The following TRPM1 variants were observed in gnomAD, a reference collection of about 807,000 sequenced individuals.
TRPM1 encodes the protein transient receptor potential cation channel subfamily M member 1, also known as TRPM1-203 APA Isoform, Intron 10.
TRPM1 carries 113 observed loss-of-function variants against 149.4 expected under a neutral mutation model. The ratio of observed to expected loss-of-function variants is 0.76; its 90% CI spans 0.65 to 0.88. TRPM1 has a LOEUF of 0.88. Ranked by LOEUF, TRPM1 falls within the 40% of genes least tolerant of loss-of-function variation. The pLI, the probability that TRPM1 is intolerant of heterozygous loss-of-function variation, is 0.00. For synonymous variants in TRPM1, 741 were observed against 759.5 expected (o/e 0.98, Z 0.40); for missense variants, 1,976 against 2,038.7 (o/e 0.97, Z 0.59).
chr15:31,084,057 C>A (rs1203247927), intron 1 of TRPM1, among the ~76,000 whole-genome samples: 1 of 152,198 alleles, frequency 6.6e-6, no homozygotes, highest in African/African-American at 2.4e-5. Flanking sequence ...CCAGGGTTCC[C>A]TTTCCTCCGG....
At chr15:31,047,743 G>A in intron 14 of TRPM1, 146 bp downstream of exon 14, 1 of 766,954 alleles carries the variant, frequency 1.3e-6, no homozygotes, top group Admixed American at 1.9e-5. Flanking sequence ...TGCTTTCTTA[G>A]TTTTAAATAG....
intron 1 of TRPM1, among the ~76,000 whole-genome samples, chr15:31,108,996 CT>C (rs566107089): frequency 2.1e-3 from 322 of 152,262 alleles, no homozygotes; most frequent in Non-Finnish European, 4.0e-3. Context: ...CCAGACACTG[CT>C]GGTGCTGTGT....
At chr15:31,151,670 C>T (rs556432614) in intron 1 of TRPM1, among the ~76,000 whole-genome samples, 2 of 152,350 alleles carry the variant, frequency 1.3e-5, no homozygotes, top group African/African-American at 4.8e-5. Context: ...CCATAAACTC[C>T]GTACACCTTC....
intron 1 of TRPM1, among the ~76,000 whole-genome samples, chr15:31,135,096 A>G (rs2036070600): frequency 6.6e-6 from 1 of 152,220 alleles, no homozygotes; most frequent in Non-Finnish European, 1.5e-5. Flanking sequence ...TTCTCTTGTT[A>G]TCTGTCTTTT....
intron 3 of TRPM1, among the ~76,000 whole-genome samples, chr15:31,076,038 T>G (rs952798982): frequency 3.3e-5 from 5 of 152,254 alleles, no homozygotes; most frequent in African/African-American, 1.2e-4. Flanking sequence ...ATGGCCTATG[T>G]GCCATTGAAA....
intron 11 of TRPM1, among the ~76,000 whole-genome samples, chr15:31,056,248 T>C (rs1006386270): frequency 2.0e-4 from 31 of 151,978 alleles, no homozygotes; most frequent in Admixed American, 6.5e-4. Flanking sequence ...AAGAAAGAAA[T>C]ACTCAAAGAA....
intron 3 of TRPM1, among the ~76,000 whole-genome samples, chr15:31,074,189 A>G (rs1309505664): frequency 6.6e-6 from 1 of 152,092 alleles, no homozygotes; most frequent in African/African-American, 2.4e-5. Flanking sequence ...CTAGTTTGGT[A>G]TCTGGGTAGT....
chr15:31,048,413 G>A lies in TRPM1; in HGVS notation c.1573-474C>T, dbSNP rs544577363. On this transcript the variant is annotated intron_variant, in intron 13 of 27. Coordinates refer to ENST00000256552, the MANE Select transcript of TRPM1 (RefSeq NM_001252024.2). ...TACAAAACAGAGCTGGTCATGGTTA[G>A]AAAGTATCCAACACATTTCAAAAGT... Among the ~76,000 whole-genome samples, 4 of 152,158 alleles carry A rather than the reference G, an allele frequency of 2.6e-5. No homozygotes were observed. The South Asian group carries it at 8.3e-4, about 32-fold the overall frequency.
intron 11 of TRPM1, among the ~76,000 whole-genome samples, chr15:31,056,707 G>C (rs2034095968): frequency 6.6e-6 from 1 of 152,172 alleles, no homozygotes; most frequent in South Asian, 2.1e-4. Flanking sequence ...TAGAGGGAGA[G>C]GGTTCATGAT....
chr15:31,059,903 C>T (rs115489373), intron 11 of TRPM1, among the ~76,000 whole-genome samples: 1,863 of 152,254 alleles, frequency 0.012, 19 homozygotes, highest in African/African-American at 0.023. Flanking sequence ...TGTTCACACA[C>T]ACACACGCTC....
rs778561576 is a variant in TRPM1, at chr15:31,060,586, G to A, written c.1221C>T (p.Asp407=). Residue 407 remains aspartate (D), a synonymous_variant, in exon 11 of 28, where the codon GAC becomes GAT. Transcript: ENST00000256552. The part of the protein sequence containing the change: ...LSLALAWNRV[D]IARSQIFVFG... The stretch of plus-strand genomic sequence containing the variant: ...AGACAAAGATCTGGCTTCGTGCTAT[G>A]TCCACGCGGTTCCAAGCCAGTGCCA... The A allele has an allele frequency of 1.4e-5, 23 of 1,614,238 alleles. 1 individual carries two copies. In the South Asian group the frequency reaches 1.9e-4, roughly 13 times the overall value.
chr15:31,089,240 C>A (rs910232213), intron 1 of TRPM1, among the ~76,000 whole-genome samples: 3 of 152,058 alleles, frequency 2.0e-5, no homozygotes, highest in Non-Finnish European at 4.4e-5. Context: ...CCAGCGTGTC[C>A]CCCACTGGGT....
At chr15:31,069,325 A>T in intron 4 of TRPM1, 1 of 763,158 alleles carries the variant, frequency 1.3e-6, no homozygotes, top group Non-Finnish European at 1.6e-6. Context: ...TGTCTCCTAT[A>T]AACTGCTTCT....
rs60887580 is a variant in TRPM1 at position 31,112,485 on chromosome 15, A to T, written c.55-35501T>A. The stretch of plus-strand genomic sequence containing the variant: ...TGAGCAAATAACACCCTAGTTAAGG[A>T]TTGCTAACAATTAGTCCCAAATGCT... On this transcript the variant is annotated intron_variant, in intron 1 of 26. Transcript: ENST00000542188. Among the ~76,000 whole-genome samples, 398 of 152,282 alleles carry T rather than the reference A, an allele frequency of 2.6e-3. 3 individuals carry two copies. The highest frequency in any genetic ancestry group is 8.9e-3 in the African/African-American group (371 of 41,540).
chr15:31,067,779 AAT>A, intron 5 of TRPM1, 98 bp downstream of exon 5: 2 of 1,149,822 alleles, frequency 1.7e-6, no homozygotes, highest in Non-Finnish European at 2.6e-6. Context: ...ATCAGGATGC[AAT>A]ATGTTTTGTT....
chr15:31,060,162 C>G (rs1020052372), intron 11 of TRPM1: 5 of 311,192 alleles, frequency 1.6e-5, no homozygotes, highest in Non-Finnish European at 3.0e-5. Context: ...CACACACACA[C>G]AGAGTTCTCT....
intron 1 of TRPM1, among the ~76,000 whole-genome samples, chr15:31,114,212 C>A (rs200349447): frequency 6.6e-6 from 1 of 152,308 alleles, no homozygotes; most frequent in Admixed American, 6.5e-5. Context: ...TTGTTCCCCT[C>A]TATGTGTCCA....
chr15:31,037,732 A>G lies in TRPM1; in HGVS notation c.2550T>C (p.Ile850=). ...TKICEFYNAP[I]VKFWFYTISY... is the part of the protein sequence containing the mutation. ...TCACTGTGTAAAACCAGAACTTGAC[A>G]ATGGGCGCGTTATAGAATTCACAGA... is the stretch of plus-strand genomic sequence containing the variant. Residue 850 remains isoleucine (I), a synonymous_variant, in exon 20 of 28, where the codon ATT becomes ATC. Transcript: ENST00000256552. 1 of 1,614,254 alleles carries G rather than the reference A, an allele frequency of 6.2e-7. No homozygotes were observed. Among genetic ancestry groups the G allele is most frequent in the Non-Finnish European group, 8.5e-7 (1 of 1,180,052 alleles).
intron 7 of TRPM1, 85 bp downstream of exon 7, chr15:31,065,991 C>T (rs184833972): frequency 1.3e-6 from 2 of 1,513,070 alleles, no homozygotes; most frequent in African/African-American, 1.4e-5. Flanking sequence ...TTCTAATCCC[C>T]TTGGGCAATC....
Sources: allele counts gnomAD v4.1 joint callset (sites outside exome capture counted in the v4.1 genomes callset), GRCh38; gene constraint gnomAD v4.1.1; transcripts MANE v1.5; gene names NCBI Gene and HGNC (gene_info 2026-07-23, HGNC 2026-07-21).